Variants in PAK6 observed in about 807,000 individuals in gnomAD.
The protein encoded by PAK6 is serine/threonine-protein kinase PAK 6.
Under a neutral mutation model 60.8 loss-of-function variants are expected in PAK6, and 33 were observed. That is an observed-to-expected ratio of 0.54 (90% confidence interval 0.41 to 0.73). The LOEUF is 0.73. PAK6 is among the 30% of genes least tolerant of loss of function. PAK6 has a pLI of 0.00. For missense variants in PAK6, 845 were observed against 904.1 expected (o/e 0.93, Z 0.84); for synonymous variants, 404 against 378.5 (o/e 1.07, Z -0.78).
At chr15:40,260,445 C>G (rs2038953056) in intron 3 of PAK6, 1 of 152,200 alleles carries the variant, frequency 6.6e-6, no homozygotes, top group Non-Finnish European at 1.5e-5. Flanking sequence ...ATTCTCTCTT[C>G]TGTTCCATTG....
In PAK6 at chr15:40,266,099, CCACAAGCAGAT is replaced by C. The variant is rs772141938; in HGVS notation, c.463_473del (p.His155AlafsTer56). 2.5e-6 allele frequency: 4 copies of C among 1,609,420 alleles called. No individual in the cohort carries two copies. Among genetic ancestry groups the C allele is most frequent in the Non-Finnish European group, 3.4e-6 (4 of 1,179,488 alleles). ...GCTGCAACGGGGGCACACCAGCAGG[CCACAAGCAGAT>C]GCCGTGGCCCGAGCCACAGAGCCCA... On this transcript the variant is annotated frameshift_variant, in exon 5 of 11. Coordinates refer to ENST00000560346, the Ensembl canonical transcript of PAK6. LOFTEE classifies it high-confidence loss of function.
intron 3 of PAK6, chr15:40,263,978 T>G: frequency 4.4e-6 from 2 of 455,822 alleles, no homozygotes; most frequent in South Asian, 3.1e-5. Flanking sequence ...GAGGTGGTGC[T>G]CTCTGCCTTC....
intron 5 of PAK6, 66 bp downstream of exon 5, chr15:40,266,561 A>C (rs538336719): frequency 3.0e-5 from 44 of 1,442,932 alleles, no homozygotes; most frequent in Non-Finnish European, 3.8e-5. Context: ...GGCCTTGCCT[A>C]GCCTTCCCCT....
chr15:40,268,638 A>G (rs1006567705), intron 5 of PAK6, among the ~76,000 whole-genome samples: 7 of 152,182 alleles, frequency 4.6e-5, no homozygotes, highest in Non-Finnish European at 1.0e-4. Context: ...TGGCTGCAGG[A>G]GGGTCTGAGT....
At chr15:40,273,411 C>G (rs747457346) in exon 8 of PAK6, 1 of 1,613,958 alleles carries the variant, frequency 6.2e-7, no homozygotes, top group Non-Finnish European at 8.5e-7. Flanking sequence ...TACCTGCATG[C>G]TCAGGGTGTC....
chr15:40,272,608 G>A (rs758876076), exon 6 of PAK6: 31 of 1,612,062 alleles, frequency 1.9e-5, no homozygotes, highest in Non-Finnish European at 2.5e-5. Context: ...GAAGATTGGC[G>A]AGGGCTCCAC....
In PAK6 at chr15:40,273,537, C is replaced by T. The variant is rs2039369290; in HGVS notation, c.1618-14C>T. The T allele has an allele frequency of 1.2e-6, 2 of 1,613,840 alleles. No homozygotes were observed. Among genetic ancestry groups the T allele is most frequent in the Non-Finnish European group, 1.7e-6 (2 of 1,179,990 alleles). On this transcript the variant is annotated splice_polypyrimidine_tract_variant and intron_variant, in intron 8 of 10. Transcript: ENST00000560346. ...TTCCTCCTGATCCACCACTCACTCC[C>T]TTTTCAACCGCAGGTGAAGCTCTCG...
intron 2 of PAK6, among the ~76,000 whole-genome samples, chr15:40,249,507 A>C (rs2038601299): frequency 6.6e-6 from 1 of 152,242 alleles, no homozygotes; most frequent in Non-Finnish European, 1.5e-5. Flanking sequence ...GGCCCACGGG[A>C]AGCATGCCAT....
intron 5 of PAK6, 113 bp from the exon 6 acceptor site, chr15:40,272,111 C>T: frequency 8.4e-7 from 1 of 1,187,494 alleles, no homozygotes; most frequent in Non-Finnish European, 1.2e-6. Flanking sequence ...TGATCTGATA[C>T]CCCGCCTGAC....
In PAK6 at chr15:40,275,280, GTTTTTTT is replaced by G. The variant is rs869058525; in HGVS notation, c.1879-631_1879-625del. On this transcript the variant is annotated intron_variant, in intron 10 of 10. Coordinates refer to ENST00000560346, the Ensembl canonical transcript of PAK6. ...GACTTGTTTGTTTCTGTTGTTGTTG[GTTTTTTT>G]TTTTTTTTTTTTTTTGGAGATGGAG... 5.4e-3 allele frequency among the ~76,000 whole-genome samples: 305 copies of G among 56,524 alleles called. 12 individuals carry two copies. Among genetic ancestry groups the G allele is most frequent in the Middle Eastern group, 0.053 (2 of 38 alleles). 37.1% of individuals were successfully genotyped at this position (56,524 alleles called of 152,430 possible).
At chr15:40,275,777 G>T in intron 10 of PAK6, 150 bp from the exon 11 acceptor site, 1 of 692,486 alleles carries the variant, frequency 1.4e-6, no homozygotes, top group East Asian at 2.6e-5. Context: ...TCTGAATGCT[G>T]AGAGCCTTGA....
intron 2 of PAK6, chr15:40,252,906 C>G (rs985440350): frequency 8.4e-7 from 1 of 1,183,776 alleles, no homozygotes; most frequent in Non-Finnish European, 1.1e-6. Context: ...CCCGAGAGGG[C>G]GCAGCAGTGG....
At chr15:40,255,814 G>A (rs2038818286) in intron 3 of PAK6, among the ~76,000 whole-genome samples, 1 of 152,162 alleles carries the variant, frequency 6.6e-6, no homozygotes, top group South Asian at 2.1e-4. Context: ...TTCTAGCAGA[G>A]TGCGGGCAGC....
In PAK6 at chr15:40,266,496, G is replaced by GT. The variant is rs1191698399; in HGVS notation, c.858+2dup. Reference sequence around the variant, plus strand: ...GCCAGGCCCTCCACCACAGAGCAAGGTAAGTCAGGAGCCTGGCCTGCAGGT... The same window carrying GT: ...GCCAGGCCCTCCACCACAGAGCAAGGTTAAGTCAGGAGCCTGGCCTGCAGGT... On this transcript the variant is annotated splice_donor_variant, in intron 5 of 10. Transcript: ENST00000560346. LOFTEE classifies it high-confidence loss of function. The GT allele has an allele frequency of 3.3e-5, 53 of 1,595,254 alleles. No individual in the cohort carries two copies. Among genetic ancestry groups the GT allele is most frequent in the Non-Finnish European group, 4.4e-5 (52 of 1,170,658 alleles).
chr15:40,265,733 G>A (rs2039107653), intron 4 of PAK6, 109 bp from the exon 5 acceptor site: 1 of 963,100 alleles, frequency 1.0e-6, no homozygotes, highest in Non-Finnish European at 1.5e-6. Flanking sequence ...AGGTCCTTAG[G>A]TGGTCCTCCC....
chr15:40,272,754 G>T (rs755423372), intron 6 of PAK6, 33 bp downstream of exon 6: 1 of 1,577,582 alleles, frequency 6.3e-7, no homozygotes, highest in South Asian at 1.2e-5. Flanking sequence ...AGACGGGGGC[G>T]TTGGGGATGG....
At chr15:40,252,940 G>T in intron 2 of PAK6, 1 of 978,616 alleles carries the variant, frequency 1.0e-6, no homozygotes, top group Non-Finnish European at 1.3e-6. Flanking sequence ...GGGCCGGGTG[G>T]CCGCGCCGGG....
intron 3 of PAK6, among the ~76,000 whole-genome samples, chr15:40,260,958 A>G (rs1027829282): frequency 4.0e-5 from 6 of 150,598 alleles, no homozygotes; most frequent in African/African-American, 1.5e-4. Context: ...GCCTGATCTC[A>G]GCTCACTGCA....
At chr15:40,242,551 C>T (rs906720791) in intron 2 of PAK6, among the ~76,000 whole-genome samples, 3 of 152,098 alleles carry the variant, frequency 2.0e-5, no homozygotes, top group African/African-American at 7.2e-5. Context: ...TGGGAGCCTC[C>T]TTGGTAGAAA....
Sources: gnomAD v4.1 joint callset for allele counts (sites outside exome capture counted in the v4.1 genomes callset) on GRCh38, gnomAD v4.1.1 for gene constraint, MANE v1.5 for transcripts, NCBI Gene and HGNC (gene_info 2026-07-23, HGNC 2026-07-21) for gene names.